Variants in BCAS3 observed in about 807,000 individuals in gnomAD.
The protein encoded by BCAS3 is BCAS4/BCAS3 fusion.
Under a neutral mutation model 116.1 loss-of-function variants are expected in BCAS3, and 53 were observed. The observed-to-expected ratio is 0.46, with a 90% CI of 0.37 to 0.57. The LOEUF (loss-of-function observed/expected upper bound fraction) is 0.57. BCAS3 is among the 20% of genes least tolerant of loss of function. BCAS3 has a pLI of 0.00. For synonymous variants in BCAS3, 391 were observed against 408.2 expected, an observed-to-expected ratio of 0.96 and a Z score of 0.51; for missense variants, 917 against 1,165.4, an observed-to-expected ratio of 0.79 and a Z score of 3.10.
Position 61,239,535 on chromosome 17 carries a change from A to C in BCAS3, c.2426-128792A>C, listed in dbSNP as rs932342941. ...TTTCTTTCTGACGTTAATCATTTGC[A>C]TTTTATCAGTGGCTCCAAGATTAAT... On this transcript the variant is annotated intron_variant, in intron 22 of 23. Transcript: ENST00000407086. The surrounding 1 kb of genome is among the most constrained non-coding windows in gnomAD (Gnocchi z 4.2). Among the ~76,000 whole-genome samples the C allele has an allele frequency of 6.6e-6, 1 of 152,154 alleles. No homozygotes were observed. The highest frequency in any genetic ancestry group is 2.4e-5 in the African/African-American group (1 of 41,444).
intron 23 of BCAS3, among the ~76,000 whole-genome samples, chr17:61,369,865 C>G (rs1280130916): frequency 6.6e-6 from 1 of 152,268 alleles, no homozygotes; most frequent in Non-Finnish European, 1.5e-5. Flanking sequence ...GCTTACGGCA[C>G]AGGCTTTTGC....
At chr17:61,173,384 G>A (rs917681005) in intron 22 of BCAS3, among the ~76,000 whole-genome samples, 4 of 151,808 alleles carry the variant, frequency 2.6e-5, no homozygotes, top group Admixed American at 2.6e-4. Flanking sequence ...GAGAGGCAGA[G>A]GTTGCAGTGA....
chr17:60,910,585 C>A lies in BCAS3; in HGVS notation c.876C>A (p.Gly292=). The A allele has an allele frequency of 6.2e-7, 1 of 1,612,380 alleles. No homozygotes were observed. The highest frequency in any genetic ancestry group is 8.5e-7 in the Non-Finnish European group (1 of 1,179,280). ...MVGKVVTQLT[G]TLPSGVTEDD... ...GGAAAGTGGTGACTCAGCTGACAGG[C>A]ACACTGCCTTCAGGTGTGACAGAAG... Residue 292 remains glycine, a synonymous_variant, in exon 12 of 24, where the codon GGC becomes GGA. Transcript: ENST00000407086.
intron 13 of BCAS3, among the ~76,000 whole-genome samples, chr17:60,942,299 C>T (rs1279431681): frequency 2.0e-5 from 3 of 152,150 alleles, no homozygotes; most frequent in East Asian, 1.9e-4. Context: ...TGGCGGCGGG[C>T]GCCTGTGGTC....
At chr17:61,050,247 AT>A (rs1238518263) in intron 19 of BCAS3, among the ~76,000 whole-genome samples, 1 of 152,032 alleles carries the variant, frequency 6.6e-6, no homozygotes, top group Non-Finnish European at 1.5e-5. Context: ...AGCACTGGGA[AT>A]GGTGAAAAAC....
chr17:61,173,222 G>A (rs1300609948), intron 22 of BCAS3, among the ~76,000 whole-genome samples: 3 of 152,080 alleles, frequency 2.0e-5, no homozygotes, highest in East Asian at 1.9e-4. Flanking sequence ...AGGCCAAGGC[G>A]GGAGGATCAG....
At chr17:60,878,668 T>C (rs1302329186) in intron 9 of BCAS3, among the ~76,000 whole-genome samples, 1 of 152,152 alleles carries the variant, frequency 6.6e-6, no homozygotes, top group Non-Finnish European at 1.5e-5. Context: ...CCAATAGTGG[T>C]AATGTATTTT....
chr17:60,974,980 TTG>T (rs1491118462), intron 14 of BCAS3, among the ~76,000 whole-genome samples: 17 of 138,754 alleles, frequency 1.2e-4, no homozygotes, highest in African/African-American at 5.6e-4. Context: ...TTTGTTTTTT[TTG>T]TTTTTTTTGC....
intron 5 of BCAS3, among the ~76,000 whole-genome samples, chr17:60,716,758 T>G (rs2038660973): frequency 6.6e-6 from 1 of 151,970 alleles, no homozygotes; most frequent in Non-Finnish European, 1.5e-5. Flanking sequence ...ATCTTTATGG[T>G]CATATAATTT....
Position 61,140,964 on chromosome 17 carries a change from T to A in BCAS3, c.2425+56400T>A, listed in dbSNP as rs1224317948. ...GAGTGTTTTTTTTTTCCCCCAAAAG[T>A]ATAATAGTGAAATGGGGCAGGCATG... On this transcript the variant is annotated intron_variant, in intron 22 of 23. Coordinates refer to ENST00000407086, the MANE Select transcript of BCAS3 (RefSeq NM_017679.5). This position sits in a 1 kb window ranked among gnomAD's most constrained non-coding sequence, Gnocchi z 4.2. Among the ~76,000 whole-genome samples the A allele has an allele frequency of 6.6e-6, 1 of 151,834 alleles. No individual in the cohort carries two copies. Among genetic ancestry groups the A allele is most frequent in the Admixed American group, 6.6e-5 (1 of 15,254 alleles).
At chr17:61,371,558 C>CA (rs1388365612) in intron 23 of BCAS3, among the ~76,000 whole-genome samples, 2 of 152,144 alleles carry the variant, frequency 1.3e-5, no homozygotes, top group African/African-American at 4.8e-5. Context: ...GAAAATCACT[C>CA]AGAGAGCAGA....
At position 61,037,398 on chromosome 17, in the gene BCAS3, T is replaced by G. The variant is rs543212961; in HGVS notation, c.1763-491T>G. On this transcript the variant is annotated intron_variant, in intron 17 of 23. Coordinates refer to ENST00000407086, the MANE Select transcript of BCAS3 (RefSeq NM_017679.5). The surrounding 1 kb of genome is among the most constrained non-coding windows in gnomAD (Gnocchi z 4.7). ...AAGTTGCTTAAGATTGAAAATACTCTGATATCATAGACATTTTCATATTCA... is the reference window on the plus strand; with the variant it reads ...AAGTTGCTTAAGATTGAAAATACTCGGATATCATAGACATTTTCATATTCA... Among the ~76,000 whole-genome samples the G allele has an allele frequency of 5.9e-5, 9 of 152,330 alleles. No individual in the cohort carries two copies. In the South Asian group the frequency reaches 1.7e-3, roughly 28 times the overall value.
chr17:60,969,303 C>T (rs1208835050), intron 14 of BCAS3, among the ~76,000 whole-genome samples: 1 of 151,990 alleles, frequency 6.6e-6, no homozygotes, highest in Non-Finnish European at 1.5e-5. Context: ...TTACTATGCT[C>T]AGTGATATGA....
chr17:60,705,355 C>G (rs573987743), intron 4 of BCAS3, among the ~76,000 whole-genome samples: 8 of 151,894 alleles, frequency 5.3e-5, no homozygotes, highest in Non-Finnish European at 1.2e-4. Context: ...CCTGTCTCTA[C>G]TAAAAATACA....
intron 6 of BCAS3, among the ~76,000 whole-genome samples, chr17:60,775,517 T>C (rs1011226243): frequency 6.8e-6 from 1 of 147,036 alleles, no homozygotes; most frequent in Non-Finnish European, 1.5e-5. Flanking sequence ...TTTCTCTTGT[T>C]GTTGTTACTG....
intron 5 of BCAS3, among the ~76,000 whole-genome samples, chr17:60,719,652 T>C (rs561312687): frequency 6.6e-6 from 1 of 152,362 alleles, no homozygotes; most frequent in Admixed American, 6.5e-5. Flanking sequence ...CTTTCAGCCA[T>C]AATAATTTGG....
At chr17:60,917,156 G>T (rs2145127488) in intron 12 of BCAS3, among the ~76,000 whole-genome samples, 1 of 152,258 alleles carries the variant, frequency 6.6e-6, no homozygotes, top group East Asian at 1.9e-4. Flanking sequence ...TGTGGTATAT[G>T]CAAACAATAT....
rs372608125 is a variant in BCAS3 at position 60,960,781 on chromosome 17, CT to C, written c.1221+13442del. On this transcript the variant is annotated intron_variant, in intron 14 of 23. Transcript: ENST00000407086. The surrounding 1 kb of genome is among the most constrained non-coding windows in gnomAD (Gnocchi z 4.1). ...CAGTAGCTGCCTTCTTCTTCTTTTT[CT>C]TTTTTTTTTTTTAATCATGCCTTTG... 0.024 allele frequency among the ~76,000 whole-genome samples: 3,416 copies of C among 141,762 alleles called. 109 individuals are homozygous for C. The highest frequency in any genetic ancestry group is 0.073 in the African/African-American group (2,842 of 38,948). 93.0% of individuals were successfully genotyped at this position (141,762 alleles called of 152,430 possible).
intron 6 of BCAS3, among the ~76,000 whole-genome samples, chr17:60,790,599 A>G (rs1016309518): frequency 6.6e-6 from 1 of 152,186 alleles, no homozygotes; most frequent in Non-Finnish European, 1.5e-5. Flanking sequence ...ACAGTAAATT[A>G]TGTTTGAACA....
Sources: gnomAD v4.1 joint callset for allele counts (sites outside exome capture counted in the v4.1 genomes callset) on GRCh38, gnomAD v4.1.1 for gene constraint, Gnocchi (gnomAD v3.1) non-coding constraint, MANE v1.5 for transcripts, NCBI Gene and HGNC (gene_info 2026-07-23, HGNC 2026-07-21) for gene names.